The following ENTREP2 variants were observed in gnomAD, a reference collection of about 807,000 sequenced individuals.
ENTREP2 encodes protein ENTREP2.
chr15:29,126,432 G>T, the ENTREP2 span: 1 of 1,549,984 alleles, frequency 6.5e-7, no homozygotes, highest in Non-Finnish European at 8.7e-7. Flanking sequence ...TCGGGGGATG[G>T]GCTGGAACCT....
At chr15:29,577,349 T>TGTGTGTGTGTGTGA in the ENTREP2 span, among the ~76,000 whole-genome samples, 621 of 144,386 alleles carry the variant, frequency 4.3e-3, 2 homozygotes, top group African/African-American at 0.012. Flanking sequence ...TGTGTGTGTG[T>TGTGTGTGTGTGTGA]GAGAGAGAGA....
chr15:29,591,531 T>C, the ENTREP2 span, among the ~76,000 whole-genome samples: 1 of 152,122 alleles, frequency 6.6e-6, no homozygotes, highest in African/African-American at 2.4e-5. Flanking sequence ...AAATAGGATC[T>C]TTGCAGATAG....
At chr15:29,619,031 C>G in the ENTREP2 span, among the ~76,000 whole-genome samples, 1 of 152,206 alleles carries the variant, frequency 6.6e-6, no homozygotes, top group Admixed American at 6.5e-5. Flanking sequence ...CCGGCAGGGG[C>G]CCATTTGAGT....
chr15:29,397,673 A>G, the ENTREP2 span, among the ~76,000 whole-genome samples: 1 of 152,252 alleles, frequency 6.6e-6, no homozygotes, highest in Non-Finnish European at 1.5e-5. Flanking sequence ...ATTCCCCAAA[A>G]GACCAAAACA....
the ENTREP2 span, among the ~76,000 whole-genome samples, chr15:29,552,665 TAAC>T: frequency 2.0e-5 from 3 of 152,286 alleles, no homozygotes; most frequent in African/African-American, 7.2e-5. Flanking sequence ...ACATCTATGA[TAAC>T]AATAGATGCA....
the ENTREP2 span, among the ~76,000 whole-genome samples, chr15:29,142,611 C>T: frequency 6.6e-6 from 1 of 152,178 alleles, no homozygotes; most frequent in Admixed American, 6.5e-5. Flanking sequence ...ACCGCTTAAC[C>T]AGCTCCATGG....
the ENTREP2 span, among the ~76,000 whole-genome samples, chr15:29,449,772 G>A: frequency 6.6e-6 from 1 of 152,158 alleles, no homozygotes; most frequent in Non-Finnish European, 1.5e-5. Flanking sequence ...GTTTTAATTA[G>A]ACAAACATTT....
chr15:29,216,387 C>T, the ENTREP2 span, among the ~76,000 whole-genome samples: 1 of 152,184 alleles, frequency 6.6e-6, no homozygotes, highest in Non-Finnish European at 1.5e-5. Flanking sequence ...TTCTGTGTCA[C>T]AGCTCTTAAG....
At chr15:29,466,474 G>A in the ENTREP2 span, among the ~76,000 whole-genome samples, 1 of 149,700 alleles carries the variant, frequency 6.7e-6, no homozygotes, top group African/African-American at 2.5e-5. Flanking sequence ...ATGGCCCCAG[G>A]GGAGGGTCCA....
chr15:29,449,602 G>A, the ENTREP2 span, among the ~76,000 whole-genome samples: 1 of 152,192 alleles, frequency 6.6e-6, no homozygotes, highest in Non-Finnish European at 1.5e-5. Flanking sequence ...CTGAAGCACA[G>A]AAGAATAAGC....
At chr15:29,224,021 G>A in the ENTREP2 span, among the ~76,000 whole-genome samples, 55 of 152,324 alleles carry the variant, frequency 3.6e-4, no homozygotes, top group Admixed American at 1.4e-3. Flanking sequence ...TGGTCGCACT[G>A]ACTTCCAGAA....
chr15:29,587,684 C>G, the ENTREP2 span, among the ~76,000 whole-genome samples: 2 of 152,014 alleles, frequency 1.3e-5, no homozygotes, highest in Admixed American at 6.6e-5. Context: ...TTTTGAGAGA[C>G]AGTCTCGCTC....
At chr15:29,417,960 T>A in the ENTREP2 span, among the ~76,000 whole-genome samples, 1 of 152,212 alleles carries the variant, frequency 6.6e-6, no homozygotes, top group Non-Finnish European at 1.5e-5. Flanking sequence ...CAGCAAAATA[T>A]CAGAATGGAA....
At chr15:29,221,173 A>T in the ENTREP2 span, among the ~76,000 whole-genome samples, 1 of 151,514 alleles carries the variant, frequency 6.6e-6, no homozygotes, top group Non-Finnish European at 1.5e-5. Context: ...AGCCCTGGGA[A>T]TTTTTACACC....
chr15:29,379,514 C>T, the ENTREP2 span, among the ~76,000 whole-genome samples: 2 of 152,204 alleles, frequency 1.3e-5, no homozygotes, highest in Non-Finnish European at 2.9e-5. Context: ...TGCTGACCAC[C>T]TCCCAGAGAG....
chr15:29,209,497 G>A, the ENTREP2 span, among the ~76,000 whole-genome samples: 2 of 152,174 alleles, frequency 1.3e-5, no homozygotes, highest in East Asian at 1.9e-4. Context: ...GAGAGACTCC[G>A]TCTCAAAACA....
At chr15:29,615,330 A>ATTTTTTTTTTTTTTTTTTTTTTTTTTTTT in the ENTREP2 span, among the ~76,000 whole-genome samples, 1 of 151,730 alleles carries the variant, frequency 6.6e-6, no homozygotes, top group African/African-American at 2.4e-5. Flanking sequence ...TAATTCTTGT[A>ATTTTTTTTTTTTTTTTTTTTTTTTTTTTT]TTTTTAATGG....
At chr15:29,386,127 ATG>A in the ENTREP2 span, among the ~76,000 whole-genome samples, 2 of 152,142 alleles carry the variant, frequency 1.3e-5, no homozygotes, top group Non-Finnish European at 2.9e-5. Context: ...CTCCAAGCCC[ATG>A]TGTGATCTGA....
At chr15:29,466,501 C>T in the ENTREP2 span, among the ~76,000 whole-genome samples, 1 of 142,558 alleles carries the variant, frequency 7.0e-6, no homozygotes. Context: ...GATGCTGCAG[C>T]CCCCTGGGAA....
Sources: allele counts gnomAD v4.1 joint callset (sites outside exome capture counted in the v4.1 genomes callset), GRCh38; gene constraint gnomAD v4.1.1; transcripts MANE v1.5; gene names NCBI Gene and HGNC (gene_info 2026-07-23, HGNC 2026-07-21).